Variants in KDM4C observed in about 807,000 individuals in gnomAD.
KDM4C encodes lysine demethylase 4C.
A neutral mutation model predicts 129.3 loss-of-function variants in KDM4C; 81 were observed. That is an observed-to-expected ratio of 0.63 (90% CI 0.52 to 0.75). The LOEUF is 0.75. Ranked by LOEUF, KDM4C falls within the 30% of genes least tolerant of loss-of-function variation. KDM4C has a pLI of 0.00. For synonymous variants in KDM4C, 573 were observed against 456.1 expected (o/e 1.26, Z -3.26); for missense variants, 1,457 against 1,304.0 (o/e 1.12, Z -1.81).
intron 8 of KDM4C, among the ~76,000 whole-genome samples, chr9:6,967,938 G>A (rs1161529694): frequency 6.6e-6 from 1 of 152,112 alleles, no homozygotes; most frequent in Non-Finnish European, 1.5e-5. Context: ...GTAAAGTAGG[G>A]ATATTAATAG....
At chr9:6,973,917 A>G (rs1477715100) in intron 8 of KDM4C, 1 of 152,262 alleles carries the variant, frequency 6.6e-6, no homozygotes, top group South Asian at 2.1e-4. Flanking sequence ...CTCAGATGGT[A>G]CTTACTGTGG....
At chr9:7,047,623 A>C (rs1829596008) in intron 16 of KDM4C, among the ~76,000 whole-genome samples, 1 of 152,008 alleles carries the variant, frequency 6.6e-6, no homozygotes, top group South Asian at 2.1e-4. Context: ...CGGATTTTGC[A>C]GGCTGGCACT....
intron 13 of KDM4C, among the ~76,000 whole-genome samples, chr9:7,013,312 C>T (rs1823032524): frequency 1.3e-5 from 2 of 152,054 alleles, no homozygotes; most frequent in African/African-American, 4.8e-5. Context: ...GTGACATGTG[C>T]CAGTTCTCTC....
Position 6,935,982 on chromosome 9 carries a change from A to G in KDM4C, c.921+42750A>G, listed in dbSNP as rs1824709739. Among the ~76,000 whole-genome samples the G allele has an allele frequency of 2.0e-5, 3 of 152,206 alleles. No individual in the cohort carries two copies. In the South Asian group the frequency reaches 6.2e-4, roughly 32 times the overall value. On this transcript the variant is annotated intron_variant, in intron 8 of 21. Transcript: ENST00000381309. ...CTTCTTGTTTAGTAAAAGCTATTGA[A>G]TTACATTGTCAGAAAAGTGTACTTA...
intron 1 of KDM4C, among the ~76,000 whole-genome samples, chr9:6,775,553 G>A (rs934564343): frequency 5.9e-5 from 9 of 151,534 alleles, no homozygotes; most frequent in Non-Finnish European, 1.2e-4. Context: ...ATGGAGTTTC[G>A]TTCTTATTGC....
chr9:6,919,255 C>CTTTCTTTCTTTCTTTCTTTCTTTCTTTAT (rs1554643789), intron 8 of KDM4C, among the ~76,000 whole-genome samples: 3 of 122,524 alleles, frequency 2.4e-5, no homozygotes, highest in African/African-American at 1.0e-4. Context: ...TCTTTTCTTT[C>CTTTCTTTCTTTCTTTCTTTCTTTCTTTAT]TTTCTTTCTT....
chr9:6,914,423 C>T (rs995672566), intron 8 of KDM4C, among the ~76,000 whole-genome samples: 11 of 152,164 alleles, frequency 7.2e-5, no homozygotes, highest in African/African-American at 2.7e-4. Context: ...CAGATGAGTA[C>T]ATCATTTCCT....
intron 8 of KDM4C, among the ~76,000 whole-genome samples, chr9:6,916,374 G>A (rs1159618033): frequency 6.6e-6 from 1 of 151,188 alleles, no homozygotes; most frequent in Admixed American, 6.6e-5. Context: ...TTTTGAAACA[G>A]GGTCTTGCTT....
At chr9:7,076,917 A>C (rs988986980) in intron 17 of KDM4C, 2 of 986,638 alleles carry the variant, frequency 2.0e-6, no homozygotes, top group African/African-American at 3.5e-5. Context: ...GAGGCATTAT[A>C]ATAGGAGTCT....
chr9:7,022,757 C>T (rs757694802), intron 15 of KDM4C, among the ~76,000 whole-genome samples: 9 of 150,080 alleles, frequency 6.0e-5, no homozygotes, highest in Non-Finnish European at 8.9e-5. Context: ...TTCAGTTTTT[C>T]ACCACTTAAA....
At chr9:6,917,053 G>C (rs1820435311) in intron 8 of KDM4C, among the ~76,000 whole-genome samples, 1 of 152,146 alleles carries the variant, frequency 6.6e-6, no homozygotes, top group South Asian at 2.1e-4. Context: ...TGTTGTTCAA[G>C]AGTTAAAATA....
chr9:6,793,889 A>G (rs1460739677), intron 2 of KDM4C, among the ~76,000 whole-genome samples: 1 of 152,102 alleles, frequency 6.6e-6, no homozygotes, highest in Non-Finnish European at 1.5e-5. Context: ...TCATATAATA[A>G]TATTGTATAA....
Position 7,144,043 on chromosome 9 carries a change from C to G in KDM4C, c.2781+15807C>G, listed in dbSNP as rs545212238. Among the ~76,000 whole-genome samples the G allele has an allele frequency of 8.4e-4, 128 of 151,826 alleles. 2 individuals are homozygous for G. The highest frequency in any genetic ancestry group is 3.0e-3 in the African/African-American group (126 of 41,398). ...ACTGTGCTCAGGAACACATTTCCAG[C>G]TTTGAGGATATCCTGAATTACTTCA... On this transcript the variant is annotated intron_variant, in intron 19 of 21. Coordinates refer to ENST00000381309, the MANE Select transcript of KDM4C (RefSeq NM_015061.6).
At chr9:7,165,452 T>C in intron 20 of KDM4C, 95 bp downstream of exon 20, 1 of 1,382,706 alleles carries the variant, frequency 7.2e-7, no homozygotes, top group South Asian at 1.4e-5. Flanking sequence ...ATAAGCCACA[T>C]GAATTTGGGA....
At chr9:7,121,689 C>G (rs185052829) in intron 18 of KDM4C, among the ~76,000 whole-genome samples, 18 of 152,130 alleles carry the variant, frequency 1.2e-4, no homozygotes, top group African/African-American at 4.3e-4. Context: ...CAGACATGCT[C>G]CAAATCCAAG....
intron 8 of KDM4C, among the ~76,000 whole-genome samples, chr9:6,934,349 C>G (rs942449440): frequency 6.6e-6 from 1 of 150,832 alleles, no homozygotes; most frequent in African/African-American, 2.4e-5. Context: ...TTTGTGCTGG[C>G]GGTCCCTGTA....
chr9:6,969,234 C>T (rs1039747570), intron 8 of KDM4C, among the ~76,000 whole-genome samples: 1 of 152,148 alleles, frequency 6.6e-6, no homozygotes, highest in African/African-American at 2.4e-5. Context: ...CCGTGCTCGG[C>T]CTGGGTTGTT....
chr9:7,163,948 A>G (rs1230114932), intron 19 of KDM4C, among the ~76,000 whole-genome samples: 1 of 152,220 alleles, frequency 6.6e-6, no homozygotes, highest in African/African-American at 2.4e-5. Context: ...CGGGCCTTCC[A>G]TGTATACTCC....
chr9:6,871,894 C>G (rs1033120296), intron 5 of KDM4C, among the ~76,000 whole-genome samples: 24 of 152,064 alleles, frequency 1.6e-4, no homozygotes, highest in Non-Finnish European at 2.8e-4. Flanking sequence ...CAGCATCTTG[C>G]TTTGGGAAGT....
Sources: gnomAD v4.1 joint callset for allele counts (sites outside exome capture counted in the v4.1 genomes callset) on GRCh38, gnomAD v4.1.1 for gene constraint, MANE v1.5 for transcripts, NCBI Gene and HGNC (gene_info 2026-07-23, HGNC 2026-07-21) for gene names.